Variants in DHRSX observed in about 807,000 individuals in gnomAD.
The protein encoded by DHRSX is dehydrogenase/reductase X-linked, also known as polyprenol dehydrogenase.
In DHRSX, 31 loss-of-function variants were observed where a neutral mutation model predicts 34.0. The ratio of observed to expected loss-of-function variants is 0.91; its 90% CI spans 0.69 to 1.23. DHRSX has a LOEUF of 1.23. Ranked by LOEUF, DHRSX falls within the 50% of genes most tolerant of loss-of-function variation. DHRSX has a pLI of 0.00. For synonymous variants in DHRSX, 201 were observed against 183.8 expected (o/e 1.09, Z -0.76); for missense variants, 414 against 428.1 (o/e 0.97, Z 0.29).
At chrX:2,476,398 CAA>C (rs34249061) in intron 1 of DHRSX, among the ~76,000 whole-genome samples, 18 of 102,852 alleles carry the variant, frequency 1.8e-4, no homozygotes, top group Admixed American at 2.1e-4. Context: ...AACTCCATCT[CAA>C]AAAAAAAAAA....
chrX:2,255,168 T>C (rs1409251744), intron 5 of DHRSX, among the ~76,000 whole-genome samples: 2 of 152,064 alleles, frequency 1.3e-5, no homozygotes, highest in Non-Finnish European at 2.9e-5. Flanking sequence ...TTTTACCACA[T>C]TGGCCTGGAT....
chrX:2,254,855 AG>A (rs1384727941), intron 5 of DHRSX, among the ~76,000 whole-genome samples: 4 of 151,286 alleles, frequency 2.6e-5, no homozygotes, highest in Non-Finnish European at 5.9e-5. Flanking sequence ...CACATTGGCC[AG>A]GATGGTCTTG....
intron 6 of DHRSX, among the ~76,000 whole-genome samples, chrX:2,234,218 C>G (rs1288542632): frequency 1.1e-4 from 16 of 151,704 alleles, no homozygotes; most frequent in Admixed American, 1.1e-3. Flanking sequence ...CATACACATG[C>G]ATTCTGCAGC....
intron 1 of DHRSX, among the ~76,000 whole-genome samples, chrX:2,430,560 C>A (rs1193099002): frequency 1.3e-5 from 2 of 152,272 alleles, no homozygotes; most frequent in Non-Finnish European, 2.9e-5. Flanking sequence ...TCCTTCTACC[C>A]AATTCCTCGC....
intron 3 of DHRSX, among the ~76,000 whole-genome samples, chrX:2,294,106 G>A (rs1467218397): frequency 2.6e-5 from 4 of 151,362 alleles, no homozygotes; most frequent in African/African-American, 9.7e-5. Context: ...GAGAGAAAGA[G>A]AAAAAAGGAG....
intron 3 of DHRSX, among the ~76,000 whole-genome samples, chrX:2,358,062 G>T (rs962978156): frequency 1.3e-5 from 2 of 152,160 alleles, no homozygotes; most frequent in African/African-American, 4.8e-5. Flanking sequence ...CTAGGGTTAT[G>T]CTACTTTGTC....
At chrX:2,411,187 G>A (rs1248783557) in intron 2 of DHRSX, among the ~76,000 whole-genome samples, 2 of 152,082 alleles carry the variant, frequency 1.3e-5, no homozygotes, top group Non-Finnish European at 2.9e-5. Flanking sequence ...GAAATCCCAT[G>A]AACTTTTTAA....
At chrX:2,445,222 C>G (rs956337272) in intron 1 of DHRSX, among the ~76,000 whole-genome samples, 2 of 152,044 alleles carry the variant, frequency 1.3e-5, no homozygotes, top group Non-Finnish European at 2.9e-5. Flanking sequence ...AAAGGGCTAA[C>G]TATAAACAAC....
chrX:2,488,349 ATT>A (rs1288645261), intron 1 of DHRSX: 1 of 388,500 alleles, frequency 2.6e-6, no homozygotes, highest in Non-Finnish European at 4.5e-6. Flanking sequence ...TAATTTTTGT[ATT>A]TTTAGTAGAG....
At chrX:2,259,209 G>T (rs1471568742) in intron 5 of DHRSX, among the ~76,000 whole-genome samples, 2 of 151,552 alleles carry the variant, frequency 1.3e-5, no homozygotes, top group Non-Finnish European at 2.9e-5. Context: ...GGAGGTAGAG[G>T]TTGCAGTGAG....
In DHRSX at chrX:2,453,164, G is replaced by A. The variant is rs2044248663; in HGVS notation, c.110-27860C>T. Among the ~76,000 whole-genome samples the A allele has an allele frequency of 2.6e-5, 4 of 152,260 alleles. No homozygotes were observed. In the South Asian group the frequency reaches 8.3e-4, roughly 32 times the overall value. Reference sequence around the variant, plus strand: ...CATCGCATATGTAGAATATAAAAAAGCTGAACACATAAATGCAGAGGGTAC... The same window carrying A: ...CATCGCATATGTAGAATATAAAAAAACTGAACACATAAATGCAGAGGGTAC... On this transcript the variant is annotated intron_variant, in intron 1 of 6. Coordinates refer to ENST00000334651, the MANE Select transcript of DHRSX (RefSeq NM_145177.3).
intron 6 of DHRSX, among the ~76,000 whole-genome samples, chrX:2,235,841 C>T (rs1182416171): frequency 6.8e-6 from 1 of 147,558 alleles, no homozygotes; most frequent in Non-Finnish European, 1.5e-5. Flanking sequence ...AGGACGGGTG[C>T]GGTGGCTCAC....
At chrX:2,450,195 A>C (rs1045159413) in intron 1 of DHRSX, among the ~76,000 whole-genome samples, 1 of 152,120 alleles carries the variant, frequency 6.6e-6, no homozygotes, top group Non-Finnish European at 1.5e-5. Context: ...AGTTTCAACA[A>C]ACTCCAGCCC....
intron 3 of DHRSX, among the ~76,000 whole-genome samples, chrX:2,404,433 G>T (rs2043527243): frequency 1.3e-5 from 2 of 152,172 alleles, no homozygotes; most frequent in African/African-American, 4.8e-5. Context: ...ATTTAAAAAT[G>T]TATAAGCAAA....
intron 2 of DHRSX, among the ~76,000 whole-genome samples, chrX:2,424,804 A>G (rs1391178899): frequency 2.0e-5 from 3 of 152,174 alleles, no homozygotes; most frequent in South Asian, 2.1e-4. Flanking sequence ...ATTTGCATAC[A>G]TGTCTGAATC....
chrX:2,389,978 G>A (rs1416554939), intron 3 of DHRSX, among the ~76,000 whole-genome samples: 2 of 151,590 alleles, frequency 1.3e-5, no homozygotes, highest in African/African-American at 2.4e-5. Context: ...AAGGGGTTTC[G>A]CCATGTCGGC....
chrX:2,404,719 TC>T (rs1404884382), intron 3 of DHRSX, among the ~76,000 whole-genome samples: 1 of 151,992 alleles, frequency 6.6e-6, no homozygotes, highest in Non-Finnish European at 1.5e-5. Flanking sequence ...ATGATATACT[TC>T]CCCCTACACA....
At chrX:2,458,434 T>C (rs1441522854) in intron 1 of DHRSX, among the ~76,000 whole-genome samples, 3 of 152,048 alleles carry the variant, frequency 2.0e-5, no homozygotes, top group Admixed American at 6.6e-5. Flanking sequence ...AATCAACCCA[T>C]GTTCAATCAA....
intron 2 of DHRSX, among the ~76,000 whole-genome samples, chrX:2,409,545 G>A (rs543916337): frequency 1.3e-5 from 2 of 151,984 alleles, no homozygotes; most frequent in African/African-American, 2.4e-5. Flanking sequence ...CTGTTCCTGC[G>A]TTAGTTGGCT....
Sources: allele counts gnomAD v4.1 joint callset (sites outside exome capture counted in the v4.1 genomes callset), GRCh38; gene constraint gnomAD v4.1.1; transcripts MANE v1.5; gene names NCBI Gene and HGNC (gene_info 2026-07-23, HGNC 2026-07-21).